SERINC2: variants seen among roughly 807,000 people sequenced by gnomAD.
SERINC2 encodes the protein serine incorporator 2.
A neutral mutation model predicts 54.2 loss-of-function variants in SERINC2; 56 were observed. That is an observed-to-expected ratio of 1.03 (90% CI 0.83 to 1.29). The LOEUF is 1.29. SERINC2 is among the 50% of genes most tolerant of loss of function. The pLI, the probability that SERINC2 is intolerant of heterozygous loss-of-function variation, is 0.00. For missense variants in SERINC2, 614 were observed against 607.4 expected, an observed-to-expected ratio of 1.01 and a Z score of -0.12; for synonymous variants, 272 against 253.1, an observed-to-expected ratio of 1.07 and a Z score of -0.71.
Position 31,426,809 on chromosome 1 carries a change from C to T in SERINC2, c.766C>T (p.Leu256=). 1.2e-6 allele frequency: 2 copies of T among 1,613,772 alleles called. No homozygotes were observed. The highest frequency in any genetic ancestry group is 1.7e-6 in the Non-Finnish European group (2 of 1,179,874). The stretch of plus-strand genomic sequence containing the variant: ...TGTCTGCGTGTCCATCGCTGCTGTC[C>T]TGCCCAAGGTCCAGGTGAGCCTGCC... The part of the protein sequence containing the change: ...FCVCVSIAAV[L]PKVQDAQPNS... The change falls in exon 6 of 10, where the codon CTG becomes TTG. Residue 256 remains leucine, a synonymous_variant. Coordinates refer to ENST00000373709, the MANE Select transcript of SERINC2 (RefSeq NM_178865.5).
intron 1 of SERINC2, among the ~76,000 whole-genome samples, chr1:31,422,167 C>T (rs1347011100): frequency 2.0e-5 from 3 of 151,624 alleles, no homozygotes; most frequent in Non-Finnish European, 4.4e-5. Flanking sequence ...GGCATGGTGG[C>T]GTGTGCTTGT....
upstream of SERINC2, chr1:31,413,205 C>T: frequency 3.7e-6 from 4 of 1,067,520 alleles, no homozygotes; most frequent in South Asian, 4.2e-5. This position sits in a 1 kb window ranked among gnomAD's most constrained non-coding sequence, Gnocchi z 5.0. Flanking sequence ...GCCCGGCACC[C>T]GGATCCCGAG....
chr1:31,433,220 G>C (rs1001498427), intron 9 of SERINC2, 35 bp downstream of exon 9: 1 of 1,534,982 alleles, frequency 6.5e-7, no homozygotes, highest in African/African-American at 1.4e-5. Flanking sequence ...AGAGCCCGGA[G>C]GTGCAGGGTG....
intron 8 of SERINC2, among the ~76,000 whole-genome samples, chr1:31,430,124 T>C (rs369086972): frequency 1.3e-5 from 2 of 152,174 alleles, no homozygotes; most frequent in African/African-American, 4.8e-5. Context: ...TTAACCTCTT[T>C]AGGCCTCCAT....
chr1:31,423,974 C>A (rs1380194674), intron 2 of SERINC2, 120 bp downstream of exon 2: 5 of 905,240 alleles, frequency 5.5e-6, no homozygotes, highest in Non-Finnish European at 5.1e-6. Flanking sequence ...TTTGGGTGCA[C>A]TGATGATCTG....
chr1:31,434,190 C>CT lies in SERINC2; in HGVS notation c.1361dup (p.Ser455GlnfsTer36). ...CCCCACTCCTCCTGCGCAACCGCGA[C>CT]TTCAGCTGAGGCAGCCTCACAGCCT... On this transcript the variant is annotated frameshift_variant, in exon 10 of 10. Transcript: ENST00000373709. LOFTEE classifies it high-confidence loss of function. The CT allele has an allele frequency of 6.2e-7, 1 of 1,613,160 alleles. No homozygotes were observed. Among genetic ancestry groups the CT allele is most frequent in the Non-Finnish European group, 8.5e-7 (1 of 1,179,822 alleles).
chr1:31,428,676 G>A (rs552050953), intron 6 of SERINC2, among the ~76,000 whole-genome samples: 1 of 152,318 alleles, frequency 6.6e-6, no homozygotes, highest in South Asian at 2.1e-4. Context: ...CAGACGGAGA[G>A]CAGGGAGGAG....
Position 31,426,764 on chromosome 1 carries a change from A to G in SERINC2, c.721A>G (p.Ser241Gly), listed in dbSNP as rs782336517. The change falls in exon 6 of 10, where the codon AGC becomes GGC. Residue 241 changes from serine (S) to glycine (G), a missense_variant. By Grantham distance (56) the Ser-to-Gly change is moderately conservative. Transcript: ENST00000373709. ...CTGCCACGAGGGCAAGGTCTTCATC[A>G]GCCTCAACCTCACCTTCTGTGTCTG... ...SGCHEGKVFI[S>G]LNLTFCVCVS... is the part of the protein sequence containing the mutation. 4 of 1,614,154 alleles carry G rather than the reference A, an allele frequency of 2.5e-6. No individual in the cohort carries two copies. Among genetic ancestry groups the G allele is most frequent in the Non-Finnish European group, 3.4e-6 (4 of 1,180,012 alleles).
intron 2 of SERINC2, among the ~76,000 whole-genome samples, chr1:31,424,141 G>A (rs897690982): frequency 1.4e-4 from 21 of 152,116 alleles, no homozygotes; most frequent in African/African-American, 5.1e-4. Context: ...GCCCAGGTTG[G>A]GGCTCCTAAC....
chr1:31,414,784 C>T, intron 1 of SERINC2: 1 of 985,436 alleles, frequency 1.0e-6, no homozygotes, highest in Non-Finnish European at 1.2e-6. Context: ...CCTGGTGAGG[C>T]ACAGGCCCTG....
At chr1:31,432,809 G>A (rs1254146373) in intron 8 of SERINC2, among the ~76,000 whole-genome samples, 158 bp from the exon 9 acceptor site, 2 of 152,184 alleles carry the variant, frequency 1.3e-5, no homozygotes, top group Non-Finnish European at 2.9e-5. Context: ...CAGAAAATGG[G>A]AGTGGGGGTA....
chr1:31,430,119 C>T (rs1458008691), intron 8 of SERINC2, among the ~76,000 whole-genome samples: 1 of 152,144 alleles, frequency 6.6e-6, no homozygotes, highest in Non-Finnish European at 1.5e-5. Context: ...GTCACTTAAC[C>T]TCTTTAGGCC....
Position 31,413,988 on chromosome 1 carries a change from A to G in SERINC2, c.39+684A>G. 6.5e-7 allele frequency: 1 copy of G among 1,529,028 alleles called. No homozygotes were observed. The highest frequency in any genetic ancestry group is 8.7e-7 in the Non-Finnish European group (1 of 1,144,344). The allele number at this position is 1,529,028 out of a possible 1,614,324, so 94.7% of individuals were successfully genotyped here. A position where few individuals can be genotyped will look rare whatever the true frequency, so the allele number is the denominator to read the frequency against. The stretch of plus-strand genomic sequence containing the variant: ...GCACTTCCCCAGCTCGCCCCGGATC[A>G]TCTGGGCCCCAGCGCGGAGACTGGG... On this transcript the variant is annotated intron_variant, in intron 1 of 9. Coordinates refer to ENST00000373709, the MANE Select transcript of SERINC2 (RefSeq NM_178865.5). The surrounding 1 kb of genome is among the most constrained non-coding windows in gnomAD (Gnocchi z 5.0).
At chr1:31,420,962 C>T (rs1233177653) in intron 1 of SERINC2, among the ~76,000 whole-genome samples, 2 of 152,148 alleles carry the variant, frequency 1.3e-5, no homozygotes, top group Non-Finnish European at 2.9e-5. Context: ...ATAAGCTGCT[C>T]TAACTGATAC....
chr1:31,416,021 C>A, intron 1 of SERINC2: 1 of 569,002 alleles, frequency 1.8e-6, no homozygotes, highest in Non-Finnish European at 2.2e-6. Context: ...GAGGGTCTTG[C>A]ACATCCTAGG....
At chr1:31,425,987 G>T in intron 5 of SERINC2, 74 bp downstream of exon 5, 1 of 1,506,062 alleles carries the variant, frequency 6.6e-7, no homozygotes, top group Non-Finnish European at 9.0e-7. Flanking sequence ...GAAATCGAGG[G>T]TCCTTGAAGC....
intron 1 of SERINC2, among the ~76,000 whole-genome samples, chr1:31,421,508 C>T (rs1302727398): frequency 6.6e-6 from 1 of 152,212 alleles, no homozygotes; most frequent in African/African-American, 2.4e-5. Flanking sequence ...AGTTTCGTTT[C>T]CAAAGCATTT....
In SERINC2 at chr1:31,413,313, C is replaced by G. The variant is rs1553131737; in HGVS notation, c.39+9C>G. The G allele has an allele frequency of 2.4e-6, 3 of 1,266,878 alleles. No homozygotes were observed. The highest frequency in any genetic ancestry group is 3.0e-5 in the South Asian group (1 of 32,914). 78.5% of individuals were successfully genotyped at this position (1,266,878 alleles called of 1,614,324 possible). A position where few individuals can be genotyped will look rare whatever the true frequency, so the allele number is the denominator to read the frequency against. ...GCTCCCTGCTCAGCTGCGTGAGTCC[C>G]GACCCCGGCGCCCGCCCGCGCGCGC... On this transcript the variant is annotated intron_variant, in intron 1 of 9. Coordinates refer to ENST00000373709, the MANE Select transcript of SERINC2 (RefSeq NM_178865.5). This position sits in a 1 kb window ranked among gnomAD's most constrained non-coding sequence, Gnocchi z 5.0.
intron 8 of SERINC2, among the ~76,000 whole-genome samples, chr1:31,432,003 T>TAGGGTGGATAGGGTGGAC (rs1641256912): frequency 8.6e-5 from 2 of 23,224 alleles, no homozygotes; most frequent in East Asian, 1.0e-3. Flanking sequence ...ATAGGGTGGA[T>TAGGGTGGATAGGGTGGAC]AGGGTGGATA....
Sources: allele counts gnomAD v4.1 joint callset (sites outside exome capture counted in the v4.1 genomes callset), GRCh38; gene constraint gnomAD v4.1.1; non-coding constraint Gnocchi (gnomAD v3.1); transcripts MANE v1.5; gene names NCBI Gene and HGNC (gene_info 2026-07-23, HGNC 2026-07-21).